Variants in RALYL observed in about 807,000 individuals in gnomAD.
The protein encoded by RALYL is RALY RNA binding protein like.
A neutral mutation model predicts 35.1 loss-of-function variants in RALYL; 29 were observed. The ratio of observed to expected loss-of-function variants is 0.83; its 90% CI spans 0.61 to 1.13. The LOEUF is 1.13. RALYL is among the 50% of genes most tolerant of loss of function. The pLI is 0.00. For synonymous variants in RALYL, 120 were observed against 127.6 expected (o/e 0.94, Z 0.40); for missense variants, 359 against 360.4 (o/e 1.00, Z 0.03).
chr8:84,313,254 C>T (rs1020714104), intron 1 of RALYL, among the ~76,000 whole-genome samples: 2 of 152,174 alleles, frequency 1.3e-5, no homozygotes, highest in Non-Finnish European at 2.9e-5. Context: ...CCATTTTTTC[C>T]TCCTAGGCCT....
At chr8:84,700,267 T>G (rs1045878512) in intron 2 of RALYL, among the ~76,000 whole-genome samples, 2 of 152,070 alleles carry the variant, frequency 1.3e-5, no homozygotes, top group Non-Finnish European at 2.9e-5. Context: ...GTAATTGTAG[T>G]TATAAAGGAT....
At chr8:84,827,943 A>T (rs931112467) in intron 4 of RALYL, among the ~76,000 whole-genome samples, 2 of 151,894 alleles carry the variant, frequency 1.3e-5, no homozygotes, top group African/African-American at 4.9e-5. Context: ...AGAACTATAT[A>T]AACTTTTAGT....
At chr8:84,228,803 G>T (rs1359091347) in intron 1 of RALYL, among the ~76,000 whole-genome samples, 2 of 152,152 alleles carry the variant, frequency 1.3e-5, no homozygotes, top group African/African-American at 4.8e-5. Context: ...TGGCAGGAGA[G>T]AGAATGAGCG....
At chr8:84,746,166 T>C (rs998147028) in intron 2 of RALYL, among the ~76,000 whole-genome samples, 3 of 152,038 alleles carry the variant, frequency 2.0e-5, no homozygotes, top group Non-Finnish European at 2.9e-5. Context: ...AGACAGAAGA[T>C]GCCTGTCACA....
chr8:84,805,781 ATGT>A (rs1474634992), intron 4 of RALYL, among the ~76,000 whole-genome samples: 1 of 152,230 alleles, frequency 6.6e-6, no homozygotes, highest in Non-Finnish European at 1.5e-5. Flanking sequence ...AGAATAAGCA[ATGT>A]TGTTTGTATC....
At chr8:84,290,028 T>C (rs1272409931) in intron 1 of RALYL, among the ~76,000 whole-genome samples, 1 of 152,216 alleles carries the variant, frequency 6.6e-6, no homozygotes, top group Non-Finnish European at 1.5e-5. Context: ...TGCTATATCT[T>C]AGTTTAATAA....
At chr8:84,310,171 TA>T (rs1842504975) in intron 1 of RALYL, among the ~76,000 whole-genome samples, 1 of 151,978 alleles carries the variant, frequency 6.6e-6, no homozygotes, top group Admixed American at 6.6e-5. Context: ...GCCTCCCAAG[TA>T]CCTGGGGTTA....
intron 1 of RALYL, among the ~76,000 whole-genome samples, chr8:84,401,250 A>G (rs2131972818): frequency 6.6e-6 from 1 of 151,608 alleles, no homozygotes; most frequent in East Asian, 1.9e-4. Context: ...CTTTTCTTCT[A>G]TTCTGTTACT....
chr8:84,860,610 C>G (rs1010816838), intron 5 of RALYL, among the ~76,000 whole-genome samples: 34 of 152,184 alleles, frequency 2.2e-4, no homozygotes, highest in Admixed American at 1.6e-3. Flanking sequence ...CCTTTTCAGC[C>G]TCATCCTGCC....
intron 6 of RALYL, 27 bp from the exon 7 acceptor site, chr8:84,873,257 G>A (rs761129008): frequency 7.5e-7 from 1 of 1,337,268 alleles, no homozygotes. Flanking sequence ...ATGCTCTGTT[G>A]TTTTCTTCCT....
At chr8:84,788,233 G>T (rs1341595866) in intron 3 of RALYL, among the ~76,000 whole-genome samples, 1 of 151,970 alleles carries the variant, frequency 6.6e-6, no homozygotes, top group Non-Finnish European at 1.5e-5. Context: ...GCATGGTACT[G>T]GTACCAAAAC....
intron 3 of RALYL, among the ~76,000 whole-genome samples, chr8:84,786,400 C>T (rs1212853318): frequency 6.6e-6 from 1 of 152,142 alleles, no homozygotes; most frequent in Non-Finnish European, 1.5e-5. Flanking sequence ...TGAGGAATCG[C>T]CACACTGTCT....
At chr8:84,820,947 A>G (rs1828383666) in intron 4 of RALYL, among the ~76,000 whole-genome samples, 2 of 152,214 alleles carry the variant, frequency 1.3e-5, no homozygotes. Context: ...CAATTTAAAA[A>G]TAAGATCTTA....
intron 3 of RALYL, among the ~76,000 whole-genome samples, chr8:84,798,975 T>G (rs1822570538): frequency 6.6e-6 from 1 of 152,292 alleles, no homozygotes; most frequent in African/African-American, 2.4e-5. Context: ...GAAGGTACAC[T>G]GGAACCTGAT....
chr8:84,534,127 C>T (rs182785348), intron 2 of RALYL, among the ~76,000 whole-genome samples: 47 of 152,368 alleles, frequency 3.1e-4, no homozygotes, highest in African/African-American at 9.6e-4. Flanking sequence ...TGCAGACTCA[C>T]ATCATAGCCC....
At chr8:84,208,235 C>T (rs757115694) in intron 1 of RALYL, among the ~76,000 whole-genome samples, 19 of 152,158 alleles carry the variant, frequency 1.2e-4, no homozygotes, top group Admixed American at 4.6e-4. Flanking sequence ...TGTTAAAAAT[C>T]GTTAGCACAG....
chr8:84,656,940 A>G (rs1303776193), intron 2 of RALYL, among the ~76,000 whole-genome samples: 2 of 152,170 alleles, frequency 1.3e-5, no homozygotes, highest in African/African-American at 4.8e-5. Flanking sequence ...ACATGGGACA[A>G]TGGAAAAAAT....
chr8:84,451,626 A>G (rs542391306), intron 1 of RALYL, among the ~76,000 whole-genome samples: 98 of 152,132 alleles, frequency 6.4e-4, no homozygotes, highest in Non-Finnish European at 1.2e-3. Context: ...TAAGATCAAT[A>G]TAATTAAGAC....
chr8:84,245,759 G>A (rs1828958926), intron 1 of RALYL, among the ~76,000 whole-genome samples: 1 of 152,022 alleles, frequency 6.6e-6, no homozygotes, highest in Admixed American at 6.6e-5. Context: ...ATAATCTGAA[G>A]GAATGCTGTA....
Sources: allele counts gnomAD v4.1 joint callset (sites outside exome capture counted in the v4.1 genomes callset), GRCh38; gene constraint gnomAD v4.1.1; transcripts MANE v1.5; gene names NCBI Gene and HGNC (gene_info 2026-07-23, HGNC 2026-07-21).